RAPH1: variants seen among roughly 807,000 people sequenced by gnomAD.
The protein encoded by RAPH1 is Ras association (RalGDS/AF-6) and pleckstrin homology domains 1, also known as ras-associated and pleckstrin homology domains-containing protein 1.
RAPH1 carries 18 observed loss-of-function variants against 88.1 expected under a neutral mutation model. The observed-to-expected ratio is 0.20, with a 90% CI of 0.14 to 0.30. The LOEUF is 0.30. Ranked by LOEUF, RAPH1 falls within the 10% of genes least tolerant of loss-of-function variation. RAPH1 has a pLI of 1.00. For missense variants in RAPH1, 1,448 were observed against 1,543.2 expected (o/e 0.94, Z 1.03); for synonymous variants, 587 against 559.0 (o/e 1.05, Z -0.71).
intron 13 of RAPH1, chr2:203,444,004 GGGAGA>G (rs902195809): frequency 6.8e-6 from 1 of 146,954 alleles, no homozygotes; most frequent in Non-Finnish European, 1.5e-5. Context: ...GAGAGGGAGA[GGGAGA>G]GGAGGGGATG....
chr2:203,510,335 C>CA (rs33911103), intron 1 of RAPH1, among the ~76,000 whole-genome samples: 19,516 of 37,994 alleles, frequency 0.51, 5,782 homozygotes, highest in Non-Finnish European at 0.59. Flanking sequence ...AACTCCATCT[C>CA]AAAAAAAAAA....
At chr2:203,464,630 A>G (rs2098526991) in intron 4 of RAPH1, among the ~76,000 whole-genome samples, 1 of 152,206 alleles carries the variant, frequency 6.6e-6, no homozygotes. Flanking sequence ...TAAATTTAAC[A>G]TTTTAAAAGT....
Position 203,439,619 on chromosome 2 carries a change from C to T in RAPH1, c.3571G>A (p.Ala1191Thr), listed in dbSNP as rs776865959. 2 of 1,614,090 alleles carry T rather than the reference C, an allele frequency of 1.2e-6. No individual in the cohort carries two copies. The highest frequency in any genetic ancestry group is 2.2e-5 in the East Asian group (1 of 44,878). Residue 1191 changes from alanine (A) to threonine (T), a missense_variant, in exon 14 of 14, where the codon GCA becomes ACA. Physicochemically the swap from Ala to Thr is moderately conservative, Grantham distance 58. Transcript: ENST00000319170. ...TCATCCATGGTGGCTGTTGGTTCTG[C>T]TCTGGACATGCGGGAGGAGAGTGAG... ...HGSLSSRMSR[A>T]EPTATMDDMA...
intron 1 of RAPH1, among the ~76,000 whole-genome samples, chr2:203,527,800 CAAAAAAAAAAAA>C (rs59384499): frequency 2.0e-5 from 1 of 51,240 alleles, no homozygotes; most frequent in Admixed American, 2.3e-4. Context: ...AACTCCATCT[CAAAAAAAAAAAA>C]AAAAAAAAAA....
At chr2:203,458,318 C>T (rs1030567123) in intron 7 of RAPH1, among the ~76,000 whole-genome samples, 2 of 152,002 alleles carry the variant, frequency 1.3e-5, no homozygotes, top group Non-Finnish European at 2.9e-5. Flanking sequence ...GCCAAGATCA[C>T]GCCACTGACT....
Position 203,438,443 on chromosome 2 carries a change from G to A in RAPH1, c.*994C>T, listed in dbSNP as rs1017981746. The A allele has an allele frequency of 6.4e-6, 2 of 310,640 alleles. No homozygotes were observed. Among genetic ancestry groups the A allele is most frequent in the Non-Finnish European group, 1.3e-5 (2 of 158,756 alleles). The allele number at this position is 310,640 out of a possible 1,614,324, so 19.2% of individuals were successfully genotyped here. A position where few individuals can be genotyped will look rare whatever the true frequency, so the allele number is the denominator to read the frequency against. ...ATATTTCATATACCAATTGTCTACA[G>A]ATATGTAATAACACCTACCTAAAGC... On this transcript the variant is annotated 3_prime_UTR_variant, in exon 14 of 14. Coordinates refer to ENST00000319170, the MANE Select transcript of RAPH1 (RefSeq NM_213589.3).
rs141844491 is a variant in RAPH1, at chr2:203,483,307, A to G, written c.732+6277T>C. 5.9e-4 allele frequency among the ~76,000 whole-genome samples: 90 copies of G among 152,350 alleles called. 1 individual carries two copies. The highest frequency in any genetic ancestry group is 3.4e-3 in the Middle Eastern group (1 of 294). ...ATTCAAAAATCTAAATCAAGATGAT[A>G]TTGGCTTGGTGGCAGTGAAGGCGGT... On this transcript the variant is annotated intron_variant, in intron 4 of 13. Coordinates refer to ENST00000319170, the MANE Select transcript of RAPH1 (RefSeq NM_213589.3).
At chr2:203,467,656 A>G (rs946437156) in intron 4 of RAPH1, among the ~76,000 whole-genome samples, 4 of 152,154 alleles carry the variant, frequency 2.6e-5, no homozygotes, top group African/African-American at 9.7e-5. Flanking sequence ...TTCATGTCCA[A>G]GGTCTCAGGA....
At chr2:203,455,831 A>C (rs1355146507) in intron 8 of RAPH1, among the ~76,000 whole-genome samples, 6 of 151,610 alleles carry the variant, frequency 4.0e-5, no homozygotes, top group African/African-American at 1.5e-4. Flanking sequence ...AACATAGTGA[A>C]ACCACGTCTC....
At chr2:203,473,977 G>A (rs2098535286) in intron 4 of RAPH1, among the ~76,000 whole-genome samples, 1 of 152,308 alleles carries the variant, frequency 6.6e-6, no homozygotes, top group Middle Eastern at 3.4e-3. Flanking sequence ...CTCACAGAAT[G>A]TAGTCTAAAT....
intron 1 of RAPH1, among the ~76,000 whole-genome samples, chr2:203,528,288 A>G (rs1006862142): frequency 3.3e-5 from 5 of 152,310 alleles, no homozygotes; most frequent in Admixed American, 1.3e-4. Context: ...TAAAATACTC[A>G]TATCTACACA....
At position 203,490,084 on chromosome 2, in the gene RAPH1, G is replaced by C; in HGVS notation, c.232C>G (p.Leu78Val). 6.2e-7 allele frequency: 1 copy of C among 1,603,928 alleles called. No individual in the cohort carries two copies. The highest frequency in any genetic ancestry group is 8.5e-7 in the Non-Finnish European group (1 of 1,174,682). The change falls in exon 4 of 14, where the codon CTG (leucine) becomes GTG (valine). Residue 78 changes from leucine to valine, a missense_variant. Physicochemically the swap from Leu to Val is conservative, Grantham distance 32 (BLOSUM62 1). This residue lies in a region of RAPH1 where 513 missense variants were observed against 653.1 expected (regional missense o/e 0.79). Coordinates refer to ENST00000319170, the MANE Select transcript of RAPH1 (RefSeq NM_213589.3). ...RFSIYNLNEA[L>V]NQGETVDLDA... ...AGATCCACAGTCTCTCCCTGATTCA[G>C]AGCTTCTGCAATGAACAACACATAA...
chr2:203,476,857 T>C (rs1275119549), intron 4 of RAPH1, among the ~76,000 whole-genome samples: 3 of 152,234 alleles, frequency 2.0e-5, no homozygotes, highest in Non-Finnish European at 4.4e-5. Context: ...ACAAAAATCA[T>C]CTATATCAAT....
chr2:203,532,241 C>G, intron 1 of RAPH1, among the ~76,000 whole-genome samples: 1 of 152,130 alleles, frequency 6.6e-6, no homozygotes, highest in Non-Finnish European at 1.5e-5. Flanking sequence ...ACCCAGTGTG[C>G]ATGATCATAG....
At chr2:203,515,355 C>T (rs1013496535) in intron 1 of RAPH1, among the ~76,000 whole-genome samples, 10 of 152,126 alleles carry the variant, frequency 6.6e-5, no homozygotes, top group Non-Finnish European at 1.5e-4. Flanking sequence ...AAAATAACAG[C>T]GATTCTAATC....
At chr2:203,452,897 G>A (rs1304199137) in intron 10 of RAPH1, among the ~76,000 whole-genome samples, 6 of 152,034 alleles carry the variant, frequency 3.9e-5, no homozygotes, top group African/African-American at 1.2e-4. Flanking sequence ...GCAGTGAGCC[G>A]AGATCACATC....
chr2:203,493,919 T>G (rs1010585546), intron 2 of RAPH1, among the ~76,000 whole-genome samples: 4 of 127,640 alleles, frequency 3.1e-5, no homozygotes, highest in South Asian at 2.3e-4. Flanking sequence ...TGCACTGAGC[T>G]GAGATCACAC....
At chr2:203,475,749 T>TAA (rs60658092) in intron 4 of RAPH1, among the ~76,000 whole-genome samples, 10 of 103,558 alleles carry the variant, frequency 9.7e-5, no homozygotes, top group Non-Finnish European at 1.5e-4. Context: ...ACTTCTTGTA[T>TAA]AAAAAAAAAA....
chr2:203,491,357 A>C, intron 2 of RAPH1, 38 bp from the exon 3 acceptor site: 3 of 1,337,178 alleles, frequency 2.2e-6, no homozygotes, highest in Non-Finnish European at 3.1e-6. Context: ...TATTAAATTC[A>C]GGTTTCAATA....
Sources: gnomAD v4.1 joint callset for allele counts (sites outside exome capture counted in the v4.1 genomes callset) on GRCh38, gnomAD v4.1.1 for gene constraint, gnomAD v4.1.1 regional missense constraint, MANE v1.5 for transcripts, NCBI Gene and HGNC (gene_info 2026-07-23, HGNC 2026-07-21) for gene names.